The following ADGRL3 variants were observed in gnomAD, a reference collection of about 807,000 sequenced individuals.
ADGRL3 encodes calcium-independent alpha-latrotoxin receptor 3.
Under a neutral mutation model 153.5 loss-of-function variants are expected in ADGRL3, and 62 were observed. The observed-to-expected ratio is 0.40, with a 90% CI of 0.33 to 0.50. The LOEUF (loss-of-function observed/expected upper bound fraction) is 0.50. Among genes scored for constraint, ADGRL3 ranks in the 20% least tolerant of loss-of-function variants. The pLI is 0.47. For missense variants in ADGRL3, 1,641 were observed against 1,859.4 expected (o/e 0.88, Z 2.16); for synonymous variants, 710 against 672.5 (o/e 1.06, Z -0.86).
At chr4:61,809,826 A>G (rs1485192523) in intron 8 of ADGRL3, among the ~76,000 whole-genome samples, 1 of 152,072 alleles carries the variant, frequency 6.6e-6, no homozygotes, top group Non-Finnish European at 1.5e-5. Flanking sequence ...AATAACAGCT[A>G]AAAATTACTA....
At position 62,070,093 on chromosome 4, in the gene ADGRL3, T is replaced by A. The variant is rs1184255176; in HGVS notation, c.3833-16T>A. On this transcript the variant is annotated splice_polypyrimidine_tract_variant and intron_variant, in intron 26 of 26. Transcript: ENST00000683033. ...TGTTGGATATAAATGTCATAGTATCTTGTAATCTTTTTCAGAGGGGCTTCT... is the reference window on the plus strand; with the variant it reads ...TGTTGGATATAAATGTCATAGTATCATGTAATCTTTTTCAGAGGGGCTTCT... The A allele has an allele frequency of 6.2e-7, 1 of 1,603,732 alleles. No individual in the cohort carries two copies. The highest frequency in any genetic ancestry group is 8.5e-7 in the Non-Finnish European group (1 of 1,173,260).
chr4:61,476,115 C>T (rs1579071926), intron 2 of ADGRL3, among the ~76,000 whole-genome samples: 2 of 152,206 alleles, frequency 1.3e-5, no homozygotes, highest in East Asian at 3.8e-4. Flanking sequence ...ACTCTGTCTT[C>T]TGGCGGATGC....
chr4:61,456,959 A>G (rs1365904558), intron 2 of ADGRL3, among the ~76,000 whole-genome samples: 1 of 151,904 alleles, frequency 6.6e-6, no homozygotes, highest in Non-Finnish European at 1.5e-5. Context: ...TTTTCATGTA[A>G]TTCTTTTTAG....
intron 25 of ADGRL3, among the ~76,000 whole-genome samples, chr4:62,051,898 T>C (rs1347032454): frequency 6.6e-6 from 1 of 151,702 alleles, no homozygotes; most frequent in Non-Finnish European, 1.5e-5. Context: ...AGGATGTAAT[T>C]TTTAAAAATT....
rs10701021 is a variant in ADGRL3 at position 61,465,758 on chromosome 4, A to AATATATATATATATATATATAT, written c.-173-31343_-173-31342insATATATATATATATATATATAT. On this transcript the variant is annotated intron_variant, in intron 2 of 26. Transcript: ENST00000683033. ...ACTCTGGATTTTAAAATTATATATA[A>AATATATATATATATATATATAT]ATATATATATATATATATATCTTAT... 1.7e-3 allele frequency among the ~76,000 whole-genome samples: 222 copies of AATATATATATATATATATATAT among 130,124 alleles called. 1 individual carries two copies. The highest frequency in any genetic ancestry group is 2.3e-3 in the Non-Finnish European group (145 of 62,288). 85.4% of individuals were successfully genotyped at this position (130,124 alleles called of 152,430 possible). A position where few individuals can be genotyped will look rare whatever the true frequency, so the allele number is the denominator to read the frequency against.
At chr4:61,988,267 A>G (rs925585979) in intron 19 of ADGRL3, among the ~76,000 whole-genome samples, 4 of 152,202 alleles carry the variant, frequency 2.6e-5, no homozygotes, top group Non-Finnish European at 4.4e-5. Context: ...TCAAGAATGT[A>G]CTTAGAACTA....
At chr4:61,362,247 C>A (rs2096295531) in intron 1 of ADGRL3, among the ~76,000 whole-genome samples, 3 of 151,218 alleles carry the variant, frequency 2.0e-5, no homozygotes, top group African/African-American at 7.3e-5. Flanking sequence ...AAGTGATCTG[C>A]CTTCCTCGGC....
intron 1 of ADGRL3, among the ~76,000 whole-genome samples, chr4:61,291,813 T>G (rs1447280434): frequency 6.7e-6 from 1 of 148,412 alleles, no homozygotes; most frequent in African/African-American, 2.5e-5. Context: ...ACGTTCTATA[T>G]GCGAAGAAGA....
intron 6 of ADGRL3, among the ~76,000 whole-genome samples, chr4:61,694,191 T>C (rs1254093861): frequency 3.4e-4 from 16 of 47,120 alleles, no homozygotes; most frequent in African/African-American, 1.8e-3. Flanking sequence ...TTTTTTTTTT[T>C]TTTTTTTTTT....
intron 4 of ADGRL3, among the ~76,000 whole-genome samples, chr4:61,559,590 A>G (rs566034219): frequency 6.6e-6 from 1 of 152,064 alleles, no homozygotes; most frequent in Admixed American, 6.6e-5. Flanking sequence ...ACAAATGTTC[A>G]TGCTTTGTAA....
intron 8 of ADGRL3, among the ~76,000 whole-genome samples, chr4:61,777,573 G>A (rs114782599): frequency 0.014 from 2,084 of 152,116 alleles, 63 homozygotes; most frequent in African/African-American, 0.046. Context: ...CGTGAACACA[G>A]GACTGATAGT....
chr4:61,451,796 T>A (rs2097677478), intron 2 of ADGRL3, among the ~76,000 whole-genome samples: 1 of 152,202 alleles, frequency 6.6e-6, no homozygotes, highest in African/African-American at 2.4e-5. Flanking sequence ...TTCTGGTTAC[T>A]GCTTCAGCGG....
chr4:61,872,518 A>G (rs568653651), intron 9 of ADGRL3, among the ~76,000 whole-genome samples: 1 of 151,542 alleles, frequency 6.6e-6, no homozygotes, highest in East Asian at 1.9e-4. Flanking sequence ...AGTATTGGTG[A>G]CACTAAAGAT....
At chr4:61,929,119 G>C (rs1044372992) in intron 13 of ADGRL3, among the ~76,000 whole-genome samples, 5 of 152,068 alleles carry the variant, frequency 3.3e-5, no homozygotes, top group Admixed American at 2.6e-4. Context: ...CTTACTCCCC[G>C]GTATAGTGGT....
At chr4:61,439,047 A>G (rs919679175) in intron 2 of ADGRL3, among the ~76,000 whole-genome samples, 3 of 152,170 alleles carry the variant, frequency 2.0e-5, no homozygotes, top group African/African-American at 7.2e-5. Context: ...GTTGAAGGAA[A>G]CAGAAACCCA....
chr4:61,893,709 C>CTT (rs34248874), intron 10 of ADGRL3, among the ~76,000 whole-genome samples: 6,007 of 97,374 alleles, frequency 0.062, 553 homozygotes, highest in East Asian at 0.19. Flanking sequence ...ATTTCTTTGC[C>CTT]TTTTTTTTTT....
At position 61,895,483 on chromosome 4, in the gene ADGRL3, AT is replaced by A. The variant is rs2098624332; in HGVS notation, c.1784-247del. 2.7e-5 allele frequency among the ~76,000 whole-genome samples: 4 copies of A among 150,440 alleles called. No homozygotes were observed. In the South Asian group the frequency reaches 8.3e-4, roughly 31 times the overall value. ...TCCATCTCAAATAATAATAATAATA[AT>A]AATAATAATAATAATAGTCCCCATA... On this transcript the variant is annotated intron_variant, in intron 10 of 26. Coordinates refer to ENST00000683033, the MANE Select transcript of ADGRL3 (RefSeq NM_001387552.1).
At chr4:61,744,779 A>G (rs554294871) in intron 8 of ADGRL3, among the ~76,000 whole-genome samples, 18 of 152,238 alleles carry the variant, frequency 1.2e-4, no homozygotes, top group Non-Finnish European at 2.4e-4. Flanking sequence ...ACAGAGCAGA[A>G]AAACTGGAAA....
intron 2 of ADGRL3, among the ~76,000 whole-genome samples, chr4:61,465,758 A>AATAT (rs10701021): frequency 0.016 from 2,104 of 130,140 alleles, 26 homozygotes; most frequent in Non-Finnish European, 0.02. Context: ...ATTATATATA[A>AATAT]ATATATATAT....
Sources: gnomAD v4.1 joint callset for allele counts (sites outside exome capture counted in the v4.1 genomes callset) on GRCh38, gnomAD v4.1.1 for gene constraint, MANE v1.5 for transcripts, NCBI Gene and HGNC (gene_info 2026-07-23, HGNC 2026-07-21) for gene names.